The following CUBN variants were observed in gnomAD, a reference collection of about 807,000 sequenced individuals.
CUBN encodes the protein cubilin, also known as 460 kDa receptor.
In CUBN, 282 loss-of-function variants were observed where a neutral mutation model predicts 405.3. The observed-to-expected ratio is 0.70, with a 90% CI of 0.63 to 0.77. The LOEUF (loss-of-function observed/expected upper bound fraction) is 0.77. CUBN is among the 30% of genes least tolerant of loss of function. The probability of loss-of-function intolerance (pLI) is 0.00; values close to 1 mark genes in which losing one functional copy is unlikely to be tolerated. For missense variants in CUBN, 4,514 were observed against 4,475.2 expected (o/e 1.01, Z -0.25); for synonymous variants, 1,684 against 1,617.0 (o/e 1.04, Z -0.99).
rs546157298 is a variant in CUBN, at chr10:17,029,325, T to C, written c.4018-9342A>G. On this transcript the variant is annotated intron_variant, in intron 27 of 66. Coordinates refer to ENST00000377833, the MANE Select transcript of CUBN (RefSeq NM_001081.4). ...TTCTTTTTAAGGAAAGGGATTCTGA[T>C]CACACTGAAATAACATTTCTTCTTT... 1.2e-3 allele frequency among the ~76,000 whole-genome samples: 185 copies of C among 152,350 alleles called. 1 individual carries two copies. The highest frequency in any genetic ancestry group is 4.3e-3 in the African/African-American group (177 of 41,588).
intron 14 of CUBN, among the ~76,000 whole-genome samples, chr10:17,092,119 C>T (rs1836271611): frequency 6.6e-6 from 1 of 152,144 alleles, no homozygotes; most frequent in East Asian, 1.9e-4. Context: ...CCATAGGAAA[C>T]AGACTGTAGC....
At chr10:16,866,044 T>C (rs1840173933) in intron 59 of CUBN, among the ~76,000 whole-genome samples, 1 of 152,124 alleles carries the variant, frequency 6.6e-6, no homozygotes, top group Non-Finnish European at 1.5e-5. Flanking sequence ...GTCCCCCTGC[T>C]GTCTTGCAGG....
chr10:17,108,112 AAC>A (rs938768816), intron 10 of CUBN, among the ~76,000 whole-genome samples: 8 of 152,276 alleles, frequency 5.3e-5, no homozygotes, highest in Non-Finnish European at 8.8e-5. Flanking sequence ...CATATTAAAA[AAC>A]AGTTATTTTT....
chr10:16,904,856 G>T lies in CUBN; in HGVS notation c.7913-741C>A, dbSNP rs576907950. Reference sequence around the variant, plus strand: ...GGTGGTTTTGAAACAGGCAGAGGGGGTGAGGGTTTATCAGAATTCCATGGA... The same window carrying T: ...GGTGGTTTTGAAACAGGCAGAGGGGTTGAGGGTTTATCAGAATTCCATGGA... On this transcript the variant is annotated intron_variant, in intron 50 of 66. Transcript: ENST00000377833. Among the ~76,000 whole-genome samples, 3 of 152,316 alleles carry T rather than the reference G, an allele frequency of 2.0e-5. No individual in the cohort carries two copies. The South Asian group carries it at 6.2e-4, about 32-fold the overall frequency.
chr10:16,957,694 A>G (rs1843106022), intron 31 of CUBN, among the ~76,000 whole-genome samples: 1 of 152,198 alleles, frequency 6.6e-6, no homozygotes, highest in Non-Finnish European at 1.5e-5. Context: ...TCAAAAATAG[A>G]GCTACCATAT....
At chr10:17,025,183 C>G (rs1588592834) in intron 27 of CUBN, among the ~76,000 whole-genome samples, 1 of 152,170 alleles carries the variant, frequency 6.6e-6, no homozygotes, top group Non-Finnish European at 1.5e-5. Context: ...ATCCCCTATT[C>G]TTTCTATAGA....
intron 27 of CUBN, among the ~76,000 whole-genome samples, chr10:17,036,934 G>A (rs1345323751): frequency 6.6e-6 from 1 of 152,120 alleles, no homozygotes; most frequent in East Asian, 1.9e-4. Flanking sequence ...TGAGAGCATC[G>A]GTGTGGAGTT....
chr10:16,953,086 T>A (rs1017387775), intron 32 of CUBN, among the ~76,000 whole-genome samples: 1 of 152,106 alleles, frequency 6.6e-6, no homozygotes, highest in Non-Finnish European at 1.5e-5. Context: ...AGCTTTATTC[T>A]CCAGGCCAGG....
At chr10:16,861,754 C>T (rs923563923) in intron 59 of CUBN, among the ~76,000 whole-genome samples, 1 of 152,128 alleles carries the variant, frequency 6.6e-6, no homozygotes, top group African/African-American at 2.4e-5. Flanking sequence ...CTCTGAGGTG[C>T]ATCCTCTAAC....
intron 31 of CUBN, among the ~76,000 whole-genome samples, chr10:16,976,865 G>T (rs140706495): frequency 2.0e-5 from 3 of 152,178 alleles, no homozygotes; most frequent in African/African-American, 7.2e-5. Context: ...TTCTGCTGAG[G>T]TGTTAATTTT....
intron 31 of CUBN, among the ~76,000 whole-genome samples, chr10:16,961,811 A>T (rs1283369491): frequency 7.0e-6 from 1 of 142,454 alleles, no homozygotes; most frequent in African/African-American, 2.7e-5. Flanking sequence ...TCCCGGGTTC[A>T]CGCCATTCTC....
intron 14 of CUBN, among the ~76,000 whole-genome samples, chr10:17,093,398 C>A (rs1054027993): frequency 2.0e-5 from 3 of 151,982 alleles, no homozygotes; most frequent in South Asian, 2.1e-4. Flanking sequence ...TTATGAAAAC[C>A]CTGAGAACTG....
chr10:16,947,294 A>T lies in CUBN; in HGVS notation c.5283T>A (p.Asn1761Lys). ...SPGYPDIYPPNVECVWNIVSS... is the reference protein window; with the variant it reads ...SPGYPDIYPPKVECVWNIVSS... Reference sequence around the variant, plus strand: ...TGACGATGTTCCAGACACATTCCACATTAGGGGGATAAATGTCTGGGTAGC... The same window carrying T: ...TGACGATGTTCCAGACACATTCCACTTTAGGGGGATAAATGTCTGGGTAGC... The change falls in exon 36 of 67, where the codon AAT (asparagine) becomes AAA (lysine). Residue 1761 changes from asparagine to lysine, a missense_variant. Coordinates refer to ENST00000377833, the MANE Select transcript of CUBN (RefSeq NM_001081.4). 6.2e-7 allele frequency: 1 copy of T among 1,614,036 alleles called. No individual in the cohort carries two copies. Among genetic ancestry groups the T allele is most frequent in the Non-Finnish European group, 8.5e-7 (1 of 1,179,918 alleles).
chr10:16,945,966 G>A (rs1029128030), intron 36 of CUBN, among the ~76,000 whole-genome samples: 31 of 152,090 alleles, frequency 2.0e-4, no homozygotes, highest in African/African-American at 2.2e-4. Context: ...TAGGATAGTT[G>A]TCCCATATTT....
At chr10:16,990,658 T>G in intron 28 of CUBN, 143 bp from the exon 29 acceptor site, 1 of 673,074 alleles carries the variant, frequency 1.5e-6, no homozygotes. Flanking sequence ...AAAGTTATAA[T>G]TATGCAGTTA....
At chr10:16,939,654 T>C (rs1280078190) in intron 37 of CUBN, among the ~76,000 whole-genome samples, 1 of 152,168 alleles carries the variant, frequency 6.6e-6, no homozygotes, top group Non-Finnish European at 1.5e-5. Flanking sequence ...CCCAAAGTAA[T>C]ACTAAATGTC....
chr10:16,923,101 G>C (rs1842084608), intron 43 of CUBN, among the ~76,000 whole-genome samples: 1 of 152,024 alleles, frequency 6.6e-6, no homozygotes. Flanking sequence ...GCTTCTCAAA[G>C]TGCTGGGATT....
At chr10:17,059,370 A>G (rs983617436) in intron 22 of CUBN, among the ~76,000 whole-genome samples, 1 of 152,150 alleles carries the variant, frequency 6.6e-6, no homozygotes, top group Non-Finnish European at 1.5e-5. Context: ...GAAATAGGAT[A>G]AGCTGATCCT....
rs1200451310 is a variant in CUBN, at chr10:16,933,550, CTATT to C, written c.5927-270_5927-267del. ...TAACCCATTTAATATCAAGTGCTGA[CTATT>C]TAGGCATCAATAAAGACACGTAGAG... On this transcript the variant is annotated intron_variant, in intron 39 of 66. Coordinates refer to ENST00000377833, the MANE Select transcript of CUBN (RefSeq NM_001081.4). Among the ~76,000 whole-genome samples the C allele has an allele frequency of 6.6e-5, 10 of 152,282 alleles. 1 individual carries two copies. In the South Asian group the frequency reaches 1.9e-3, roughly 28 times the overall value.
Sources: allele counts gnomAD v4.1 joint callset (sites outside exome capture counted in the v4.1 genomes callset), GRCh38; gene constraint gnomAD v4.1.1; transcripts MANE v1.5; gene names NCBI Gene and HGNC (gene_info 2026-07-23, HGNC 2026-07-21).